The following AGBL1 variants were observed in gnomAD, a reference collection of about 807,000 sequenced individuals.
AGBL1 encodes cytosolic carboxypeptidase 4.
In AGBL1, 130 loss-of-function variants were observed where a neutral mutation model predicts 118.9. The ratio of observed to expected loss-of-function variants is 1.09; its 90% CI spans 0.95 to 1.26. AGBL1 has a LOEUF of 1.26. Ranked by LOEUF, AGBL1 falls within the 50% of genes most tolerant of loss-of-function variation. The pLI, the probability that AGBL1 is intolerant of heterozygous loss-of-function variation, is 0.00. For synonymous variants in AGBL1, 555 were observed against 478.9 expected, an observed-to-expected ratio of 1.16 and a Z score of -2.08; for missense variants, 1,584 against 1,298.1, an observed-to-expected ratio of 1.22 and a Z score of -3.38.
intron 18 of AGBL1, among the ~76,000 whole-genome samples, chr15:86,451,199 G>A (rs1321396101): frequency 1.4e-5 from 2 of 140,278 alleles, no homozygotes; most frequent in Non-Finnish European, 3.0e-5. Context: ...TTCAGCATGT[G>A]TGACTTTCTC....
chr15:86,231,909 G>C (rs140144150), intron 6 of AGBL1, among the ~76,000 whole-genome samples: 107 of 152,342 alleles, frequency 7.0e-4, no homozygotes, highest in African/African-American at 2.5e-3. Flanking sequence ...ATCTGTCATT[G>C]AGGTTAGAAA....
chr15:86,269,775 GGAT>G (rs2079128572), intron 13 of AGBL1, 141 bp from the exon 14 acceptor site: 2 of 916,608 alleles, frequency 2.2e-6, no homozygotes, highest in Non-Finnish European at 3.2e-6. Flanking sequence ...TGTGGTATCA[GGAT>G]GATAAGTATA....
intron 17 of AGBL1, among the ~76,000 whole-genome samples, chr15:86,311,040 C>T (rs1398836355): frequency 2.0e-5 from 3 of 152,174 alleles, no homozygotes; most frequent in African/African-American, 7.2e-5. Context: ...CCCTGCGTCC[C>T]TTGCAGCCCT....
intron 23 of AGBL1, among the ~76,000 whole-genome samples, chr15:86,986,284 C>G (rs1312072749): frequency 6.6e-6 from 1 of 152,130 alleles, no homozygotes; most frequent in Non-Finnish European, 1.5e-5. Context: ...TTTATTTCTT[C>G]TATTGTCTAG....
intron 6 of AGBL1, among the ~76,000 whole-genome samples, chr15:86,239,003 G>T (rs574536115): frequency 3.4e-4 from 51 of 150,908 alleles, no homozygotes; most frequent in African/African-American, 1.2e-3. Context: ...ATGTGCTGAG[G>T]GTGGGGGAAG....
At chr15:86,867,746 A>G (rs1363290619) in intron 22 of AGBL1, among the ~76,000 whole-genome samples, 3 of 152,188 alleles carry the variant, frequency 2.0e-5, no homozygotes, top group African/African-American at 7.2e-5. Flanking sequence ...AGTAGGATAT[A>G]TGTTGGTATG....
At chr15:86,297,628 A>G (rs923627336) in intron 17 of AGBL1, among the ~76,000 whole-genome samples, 1 of 152,156 alleles carries the variant, frequency 6.6e-6, no homozygotes, top group Non-Finnish European at 1.5e-5. Context: ...ATGCATGAAG[A>G]GCTTTAAGGT....
At chr15:86,403,365 G>A (rs1057259750) in intron 18 of AGBL1, among the ~76,000 whole-genome samples, 15 of 152,074 alleles carry the variant, frequency 9.9e-5, no homozygotes, top group African/African-American at 3.6e-4. Context: ...GAAGCAAACA[G>A]CAATAAAGAG....
Position 86,718,595 on chromosome 15 carries a change from C to T in AGBL1, c.3158+44159C>T, listed in dbSNP as rs563883473. Among the ~76,000 whole-genome samples, 74 of 152,130 alleles carry T rather than the reference C, an allele frequency of 4.9e-4. 2 individuals are homozygous for T. The South Asian group carries it at 0.013, about 26-fold the overall frequency. The stretch of plus-strand genomic sequence containing the variant: ...AAGCAATCAATGCAGCTTAACAAAG[C>T]GGCAGTCAGAAGGACAAATCGTACC... On this transcript the variant is annotated intron_variant, in intron 22 of 22. Coordinates refer to ENST00000614907, the MANE Select transcript of AGBL1 (RefSeq NM_001386094.1).
At chr15:87,015,890 T>C (rs955926570) in intron 24 of AGBL1, among the ~76,000 whole-genome samples, 1 of 152,166 alleles carries the variant, frequency 6.6e-6, no homozygotes, top group East Asian at 1.9e-4. Flanking sequence ...TACCTTAGAA[T>C]GATGTTAAAT....
At chr15:86,512,938 T>A (rs954796027) in intron 18 of AGBL1, among the ~76,000 whole-genome samples, 7 of 151,766 alleles carry the variant, frequency 4.6e-5, no homozygotes, top group Non-Finnish European at 8.9e-5. Context: ...TTTCCTTTTT[T>A]CAAGTTATAA....
Position 86,271,621 on chromosome 15 carries a change from A to T in AGBL1, c.1990A>T (p.Met664Leu), listed in dbSNP as rs374208403. The T allele has an allele frequency of 1.4e-4, 222 of 1,609,548 alleles. 2 individuals are homozygous for T. In the Middle Eastern group the frequency reaches 3.1e-3, roughly 23 times the overall value. Residue 664 changes from methionine (M) to leucine (L), a missense_variant and splice_region_variant, in exon 15 of 23, where the codon ATG (methionine) becomes TTG (leucine). Physicochemically the swap from Met to Leu is conservative, Grantham distance 15. Transcript: ENST00000614907. ...AATTCCTTTCTGATTTTGTGTAGGG[A>T]TGCAGCCCACCCTATATTCTGTGAA... ...EKPNSQFNYGMQPTLYSVKEA... is the reference protein window; with the variant it reads ...EKPNSQFNYGLQPTLYSVKEA...
intron 1 of AGBL1, among the ~76,000 whole-genome samples, chr15:86,094,013 C>G (rs562015483): frequency 5.2e-4 from 79 of 152,130 alleles, no homozygotes; most frequent in South Asian, 1.5e-3. Context: ...AGTATTGTAT[C>G]TTTGAAATTA....
At chr15:86,424,217 C>A (rs368171361) in intron 18 of AGBL1, among the ~76,000 whole-genome samples, 1 of 152,090 alleles carries the variant, frequency 6.6e-6, no homozygotes, top group Non-Finnish European at 1.5e-5. Context: ...AGAACAGAGG[C>A]CTCAGAAATA....
At chr15:86,980,846 C>T (rs1368947774) in intron 23 of AGBL1, among the ~76,000 whole-genome samples, 2 of 149,544 alleles carry the variant, frequency 1.3e-5, no homozygotes, top group Admixed American at 1.3e-4. Context: ...GAAGCTTTAT[C>T]TACTGTCTAC....
rs150728985 is a variant in AGBL1, at chr15:86,633,277, C to A, written c.2995-40996C>A. 1.7e-3 allele frequency among the ~76,000 whole-genome samples: 259 copies of A among 152,182 alleles called. 4 individuals are homozygous for A. In the East Asian group the frequency reaches 0.02, roughly 12 times the overall value. On this transcript the variant is annotated intron_variant, in intron 21 of 22. Coordinates refer to ENST00000614907, the MANE Select transcript of AGBL1 (RefSeq NM_001386094.1). Reference sequence around the variant, plus strand: ...TAGCTTTTATGGTTTCTTGCACACACGTTAATTATTACCTATATCATTAAG... The same window carrying A: ...TAGCTTTTATGGTTTCTTGCACACAAGTTAATTATTACCTATATCATTAAG...
At chr15:86,501,973 TA>T (rs1184515319) in intron 18 of AGBL1, among the ~76,000 whole-genome samples, 2 of 151,502 alleles carry the variant, frequency 1.3e-5, no homozygotes, top group Non-Finnish European at 3.0e-5. Context: ...ATTTTGAAAA[TA>T]AAAAAACCCA....
rs750685930 is a variant in AGBL1 at position 86,264,866 on chromosome 15, T to C, written c.1667+28T>C. On this transcript the variant is annotated intron_variant, in intron 11 of 22. Coordinates refer to ENST00000614907, the MANE Select transcript of AGBL1 (RefSeq NM_001386094.1). ...GATGGCGCTACTGACTTGGGAGCTC[T>C]TTTTTTCTGTTCTTTGATAATTTTA... The C allele has an allele frequency of 6.0e-6, 9 of 1,507,140 alleles. No homozygotes were observed. The Admixed American group carries it at 2.0e-4, about 34-fold the overall frequency. The allele number at this position is 1,507,140 out of a possible 1,614,324, so 93.4% of individuals were successfully genotyped here.
At position 86,247,743 on chromosome 15, in the gene AGBL1, G is replaced by A. The variant is rs1260335510; in HGVS notation, c.599G>A (p.Ser200Asn). Reference sequence around the variant, plus strand: ...CTCGGGCTGCACCAGGACTGGCACAGCCATGACACAGCCAACGCCTACGTG... The same window carrying A: ...CTCGGGCTGCACCAGGACTGGCACAACCATGACACAGCCAACGCCTACGTG... The part of the protein sequence containing the change: ...SLLGLHQDWH[S>N]HDTANAYVQI... The change falls in exon 7 of 23, where the codon AGC becomes AAC. Residue 200 changes from serine (S) to asparagine (N), a missense_variant. Ser to Asn is a conservative substitution (Grantham distance 46). Transcript: ENST00000614907. The A allele has an allele frequency of 1.2e-6, 2 of 1,613,916 alleles. No individual in the cohort carries two copies. The highest frequency in any genetic ancestry group is 1.1e-5 in the South Asian group (1 of 91,056).
Sources: gnomAD v4.1 joint callset for allele counts (sites outside exome capture counted in the v4.1 genomes callset) on GRCh38, gnomAD v4.1.1 for gene constraint, MANE v1.5 for transcripts, NCBI Gene and HGNC (gene_info 2026-07-23, HGNC 2026-07-21) for gene names.